HSPA12A: variants seen among roughly 807,000 people sequenced by gnomAD.
The protein encoded by HSPA12A is heat shock 70 kDa protein 12A.
A neutral mutation model predicts 69.2 loss-of-function variants in HSPA12A; 28 were observed. The ratio of observed to expected loss-of-function variants is 0.40; its 90% CI spans 0.30 to 0.55. The LOEUF is 0.55. Among genes scored for constraint, HSPA12A ranks in the 20% least tolerant of loss-of-function variants. The pLI is 0.38. For missense variants in HSPA12A, 686 were observed against 900.7 expected, an observed-to-expected ratio of 0.76 and a Z score of 3.05; for synonymous variants, 345 against 370.5, an observed-to-expected ratio of 0.93 and a Z score of 0.79.
rs375658090 is a variant in HSPA12A at position 116,676,506 on chromosome 10, C to T, written c.1287-4G>A. ...GGACCACTTCACAAAATCCACACTG[C>T]AGGAGCATAGCATGGAGAAGAGCAG... On this transcript the variant is annotated splice_region_variant and splice_polypyrimidine_tract_variant and intron_variant, in intron 10 of 11. Transcript: ENST00000369209. 1.8e-5 allele frequency: 29 copies of T among 1,611,220 alleles called. No homozygotes were observed. In the African/African-American group the frequency reaches 3.5e-4, roughly 19 times the overall value.
intron 2 of HSPA12A, among the ~76,000 whole-genome samples, chr10:116,776,878 C>T (rs1220520674): frequency 1.3e-5 from 2 of 152,172 alleles, no homozygotes; most frequent in African/African-American, 4.8e-5. Flanking sequence ...TGTGAGGCAT[C>T]ATATAAGATG....
At chr10:116,697,948 G>C (rs187797053) in intron 5 of HSPA12A, among the ~76,000 whole-genome samples, 254 of 152,240 alleles carry the variant, frequency 1.7e-3, no homozygotes, top group African/African-American at 5.8e-3. Flanking sequence ...ATCTGTATCT[G>C]GCTTCTTTCA....
At chr10:116,828,593 C>T (rs1455713663) in intron 2 of HSPA12A, among the ~76,000 whole-genome samples, 1 of 152,218 alleles carries the variant, frequency 6.6e-6, no homozygotes, top group Admixed American at 6.5e-5. Context: ...GGAGGACCAC[C>T]TATGTAATTT....
At chr10:116,737,251 T>C (rs1039317564) in intron 1 of HSPA12A, among the ~76,000 whole-genome samples, 2 of 152,176 alleles carry the variant, frequency 1.3e-5, no homozygotes, top group Non-Finnish European at 2.9e-5. Context: ...CTAACAATGA[T>C]AATAAAATGA....
At chr10:116,776,581 G>A (rs1554891173) in intron 2 of HSPA12A, among the ~76,000 whole-genome samples, 3 of 152,126 alleles carry the variant, frequency 2.0e-5, no homozygotes, top group Non-Finnish European at 4.4e-5. Context: ...AAAATGGAAA[G>A]CCTAATTTGA....
intron 1 of HSPA12A, among the ~76,000 whole-genome samples, chr10:116,740,662 G>T (rs1276804872): frequency 7.6e-5 from 4 of 52,292 alleles, no homozygotes; most frequent in African/African-American, 2.3e-4. Flanking sequence ...GTGTGTGTGT[G>T]TGTGTGTGTG....
rs960419630 is a variant in HSPA12A, at chr10:116,740,701, T to C, written c.40+1729A>G. Among the ~76,000 whole-genome samples, 14 of 142,358 alleles carry C rather than the reference T, an allele frequency of 9.8e-5. 1 individual carries two copies. Among genetic ancestry groups the C allele is most frequent in the African/African-American group, 3.3e-4 (12 of 36,780 alleles). The allele number at this position is 142,358 out of a possible 152,430, so 93.4% of individuals were successfully genotyped here. On this transcript the variant is annotated intron_variant, in intron 1 of 11. Coordinates refer to ENST00000369209, the MANE Select transcript of HSPA12A (RefSeq NM_025015.3). Reference sequence around the variant, plus strand: ...CTGTGTGTGTGTGTGTGTGTGCGTGTGTGTGTGTGTTAGGATAGGGGTGCT... The same window carrying C: ...CTGTGTGTGTGTGTGTGTGTGCGTGCGTGTGTGTGTTAGGATAGGGGTGCT...
At position 116,675,086 on chromosome 10, in the gene HSPA12A, CG is replaced by C; in HGVS notation, c.1722del (p.Asp575ThrfsTer44). 1 of 1,613,996 alleles carries C rather than the reference CG, an allele frequency of 6.2e-7. No individual in the cohort carries two copies. On this transcript the variant is annotated frameshift_variant, in exon 12 of 12. Transcript: ENST00000369209. LOFTEE classifies it high-confidence loss of function. The surrounding 1 kb of genome is among the most constrained non-coding windows in gnomAD (Gnocchi z 5.2). ...CTDVFDKFIS[A>X]DQSVALGELV... ...AGCTCACCCAGAGCCACAGACTGGTCGGCAGAGATGAACTTGTCAAAGACGT... is the reference window on the plus strand; with the variant it reads ...AGCTCACCCAGAGCCACAGACTGGTCGCAGAGATGAACTTGTCAAAGACGT...
At chr10:116,777,788 C>T (rs1325669054) in intron 2 of HSPA12A, among the ~76,000 whole-genome samples, 7 of 152,220 alleles carry the variant, frequency 4.6e-5, no homozygotes, top group South Asian at 2.1e-4. Context: ...AGTACAGTGG[C>T]GCAATCTCAG....
chr10:116,751,492 T>G (rs1851776974), intron 2 of HSPA12A, among the ~76,000 whole-genome samples: 3 of 152,220 alleles, frequency 2.0e-5, no homozygotes, highest in Non-Finnish European at 4.4e-5. Context: ...ATTACTTGTT[T>G]CTAAAATGTT....
At chr10:116,835,645 A>G (rs1490532994) in intron 1 of HSPA12A, among the ~76,000 whole-genome samples, 1 of 152,242 alleles carries the variant, frequency 6.6e-6, no homozygotes, top group Non-Finnish European at 1.5e-5. Context: ...GTACAAGGGG[A>G]AAAGCATATC....
At chr10:116,750,407 G>A in intron 2 of HSPA12A, 5 of 687,826 alleles carry the variant, frequency 7.3e-6, no homozygotes, top group Non-Finnish European at 1.3e-5. Flanking sequence ...CACAGATGGA[G>A]GCTTGTCTAC....
intron 2 of HSPA12A, among the ~76,000 whole-genome samples, chr10:116,753,358 A>T (rs1843752256): frequency 6.6e-6 from 1 of 152,184 alleles, no homozygotes; most frequent in South Asian, 2.1e-4. Flanking sequence ...TGAGCACTTC[A>T]CTAGCTGCAG....
chr10:116,734,837 C>T (rs1851266548), intron 1 of HSPA12A, among the ~76,000 whole-genome samples: 1 of 151,792 alleles, frequency 6.6e-6, no homozygotes, highest in Non-Finnish European at 1.5e-5. Context: ...ACTAAAAATA[C>T]AAAAATTAGC....
At chr10:116,849,819 C>G (rs1042947981), upstream of HSPA12A, 7 of 1,395,326 alleles carry the variant, frequency 5.0e-6, no homozygotes, top group Non-Finnish European at 6.7e-6. Flanking sequence ...GCGCCTGCGC[C>G]TCAGAATCTC....
At chr10:116,677,457 T>C (rs1849273062) in intron 10 of HSPA12A, among the ~76,000 whole-genome samples, 1 of 152,214 alleles carries the variant, frequency 6.6e-6, no homozygotes, top group African/African-American at 2.4e-5. Context: ...AATGACCCCA[T>C]GGCTGGCTGC....
intron 2 of HSPA12A, among the ~76,000 whole-genome samples, chr10:116,764,452 T>C (rs1472091459): frequency 1.3e-5 from 2 of 152,188 alleles, no homozygotes. Context: ...TTCTAGGACA[T>C]GTTAAGAAAA....
chr10:116,810,111 G>C (rs920961677), intron 2 of HSPA12A, among the ~76,000 whole-genome samples: 11 of 152,192 alleles, frequency 7.2e-5, no homozygotes, highest in Non-Finnish European at 7.3e-5. Context: ...CCAAGCCATG[G>C]GGGGTGCTGG....
chr10:116,818,699 T>C (rs1284285182), intron 2 of HSPA12A, among the ~76,000 whole-genome samples: 1 of 152,204 alleles, frequency 6.6e-6, no homozygotes, highest in Admixed American at 6.5e-5. Flanking sequence ...AGTGGTCTGA[T>C]GTCCCAGAGG....
Sources: gnomAD v4.1 joint callset for allele counts (sites outside exome capture counted in the v4.1 genomes callset) on GRCh38, gnomAD v4.1.1 for gene constraint, Gnocchi (gnomAD v3.1) non-coding constraint, MANE v1.5 for transcripts, NCBI Gene and HGNC (gene_info 2026-07-23, HGNC 2026-07-21) for gene names.